ADAMTSL3: variants seen among roughly 807,000 people sequenced by gnomAD.
ADAMTSL3 encodes ADAMTS-like protein 3.
In ADAMTSL3, 128 loss-of-function variants were observed where a neutral mutation model predicts 201.7. The observed-to-expected ratio is 0.63, with a 90% CI of 0.55 to 0.73. ADAMTSL3 has a LOEUF of 0.73. Among genes scored for constraint, ADAMTSL3 ranks in the 30% least tolerant of loss-of-function variants. The pLI, the probability that ADAMTSL3 is intolerant of heterozygous loss-of-function variation, is 0.00. For missense variants in ADAMTSL3, 1,990 were observed against 2,119.6 expected, an observed-to-expected ratio of 0.94 and a Z score of 1.20; for synonymous variants, 738 against 748.4, an observed-to-expected ratio of 0.99 and a Z score of 0.23.
intron 15 of ADAMTSL3, among the ~76,000 whole-genome samples, chr15:83,900,240 T>C (rs2065697669): frequency 6.6e-6 from 1 of 152,228 alleles, no homozygotes; most frequent in Non-Finnish European, 1.5e-5. Flanking sequence ...CTGTGTCTTA[T>C]TCTCCTTACC....
In ADAMTSL3 at chr15:83,990,993, CA is replaced by C. The variant is rs554430577; in HGVS notation, c.3845-90del. ...AGAACCAGGACTCCACTCCTGCCCT[CA>C]AAGGGCTCAACAAAGCTTACCAAAT... On this transcript the variant is annotated intron_variant, in intron 22 of 29. Coordinates refer to ENST00000286744, the MANE Select transcript of ADAMTSL3 (RefSeq NM_207517.3). The C allele has an allele frequency of 5.4e-5, 84 of 1,565,066 alleles. 1 individual carries two copies. The South Asian group carries it at 1.0e-3, about 19-fold the overall frequency.
chr15:83,833,663 TG>T (rs2064203667), intron 6 of ADAMTSL3, among the ~76,000 whole-genome samples: 1 of 152,210 alleles, frequency 6.6e-6, no homozygotes. Context: ...AGCTGAAGTT[TG>T]TAACTGAAAA....
chr15:83,715,502 A>C (rs1440397483), intron 3 of ADAMTSL3, among the ~76,000 whole-genome samples: 1 of 152,050 alleles, frequency 6.6e-6, no homozygotes, highest in Non-Finnish European at 1.5e-5. Context: ...TCTCTTATTA[A>C]GTCCTTCTCC....
intron 25 of ADAMTSL3, among the ~76,000 whole-genome samples, chr15:84,020,936 G>T (rs2068192937): frequency 6.6e-6 from 1 of 152,200 alleles, no homozygotes; most frequent in African/African-American, 2.4e-5. Flanking sequence ...GAACTCAAAT[G>T]CATCTTTAAC....
chr15:83,683,797 G>A (rs1170018718), intron 2 of ADAMTSL3, among the ~76,000 whole-genome samples: 1 of 152,064 alleles, frequency 6.6e-6, no homozygotes, highest in Admixed American at 6.6e-5. Context: ...TTCCACACTT[G>A]TCTCATACTT....
At chr15:83,950,069 G>A (rs2066730524) in intron 19 of ADAMTSL3, among the ~76,000 whole-genome samples, 1 of 152,008 alleles carries the variant, frequency 6.6e-6, no homozygotes, top group Non-Finnish European at 1.5e-5. Flanking sequence ...TATTAATCAA[G>A]AAATATTTGC....
At chr15:83,727,317 G>C (rs1213368674) in intron 3 of ADAMTSL3, among the ~76,000 whole-genome samples, 1 of 150,750 alleles carries the variant, frequency 6.6e-6, no homozygotes, top group Non-Finnish European at 1.5e-5. Context: ...TGTTGATTTT[G>C]TTTATCTTTT....
intron 2 of ADAMTSL3, among the ~76,000 whole-genome samples, chr15:83,671,912 A>G (rs754011830): frequency 2.0e-5 from 3 of 152,304 alleles, no homozygotes; most frequent in Non-Finnish European, 1.5e-5. Context: ...CTGCTTTCCA[A>G]TTTGCTGATT....
intron 7 of ADAMTSL3, among the ~76,000 whole-genome samples, chr15:83,852,243 G>T (rs1035578910): frequency 6.6e-6 from 1 of 152,060 alleles, no homozygotes; most frequent in African/African-American, 2.4e-5. Context: ...CTCCTGAGTA[G>T]CTGGGATTGT....
Position 84,031,319 on chromosome 15 carries a change from T to G in ADAMTSL3, c.4657-16T>G. The G allele has an allele frequency of 1.9e-6, 3 of 1,612,898 alleles. No homozygotes were observed. The highest frequency in any genetic ancestry group is 2.5e-6 in the Non-Finnish European group (3 of 1,179,448). On this transcript the variant is annotated splice_polypyrimidine_tract_variant and intron_variant, in intron 27 of 29. Transcript: ENST00000286744. ...AGCTTGCAGGATTTACACTGCACTG[T>G]GCTTTTTTGTTCCAGTGTCCTGGAC... is the stretch of plus-strand genomic sequence containing the variant.
In ADAMTSL3 at chr15:83,739,588, CAAAATCCAAAAA is replaced by C. The variant is rs149795215; in HGVS notation, c.190-33928_190-33917del. Among the ~76,000 whole-genome samples, 193 of 151,160 alleles carry C rather than the reference CAAAATCCAAAAA, an allele frequency of 1.3e-3. 2 individuals are homozygous for C. The East Asian group carries it at 0.035, about 28-fold the overall frequency. On this transcript the variant is annotated intron_variant, in intron 3 of 29. Transcript: ENST00000286744. ...TCTTTTTACGTATATGAAACTATTT[CAAAATCCAAAAA>C]AAAATCTGAAATCCAAAATAGTTCT...
Position 83,897,876 on chromosome 15 carries a change from C to G in ADAMTSL3, c.1486C>G (p.Arg496Gly). Residue 496 changes from arginine to glycine, a missense_variant, in exon 14 of 30, where the codon CGA (arginine) becomes GGA (glycine). Transcript: ENST00000286744. ...EWSQCTVTCG[R>G]GLRYRVVLCI... is the part of the protein sequence containing the mutation. ...TTTGAAGTGCACAGTGACTTGTGGCCGAGGGTTACGGTACCGGGTTGTTCT... is the reference window on the plus strand; with the variant it reads ...TTTGAAGTGCACAGTGACTTGTGGCGGAGGGTTACGGTACCGGGTTGTTCT... 3.7e-6 allele frequency: 6 copies of G among 1,605,092 alleles called. No individual in the cohort carries two copies. Among genetic ancestry groups the G allele is most frequent in the South Asian group, 1.1e-5 (1 of 89,846 alleles).
chr15:84,017,326 C>T (rs28689919), intron 25 of ADAMTSL3, among the ~76,000 whole-genome samples: 3,648 of 152,178 alleles, frequency 0.024, 135 homozygotes, highest in African/African-American at 0.079. Flanking sequence ...ACCGTGTTAG[C>T]CAGGATGATC....
chr15:83,922,283 A>C (rs979997165), intron 16 of ADAMTSL3, among the ~76,000 whole-genome samples: 2 of 152,232 alleles, frequency 1.3e-5, no homozygotes, highest in African/African-American at 4.8e-5. Context: ...TATTAAACTT[A>C]TAAATTATTT....
chr15:84,028,291 C>CA, intron 27 of ADAMTSL3, among the ~76,000 whole-genome samples: 1 of 152,094 alleles, frequency 6.6e-6, no homozygotes, highest in Middle Eastern at 3.2e-3. Context: ...TAAGACAAAT[C>CA]GGCTAGCTAA....
chr15:83,835,185 G>A (rs1318036402), intron 6 of ADAMTSL3, among the ~76,000 whole-genome samples: 1 of 142,450 alleles, frequency 7.0e-6, no homozygotes, highest in Non-Finnish European at 1.5e-5. Context: ...AGTGAGCTGA[G>A]ATTGCACCAC....
chr15:83,789,050 A>G (rs1247537426), intron 4 of ADAMTSL3, among the ~76,000 whole-genome samples: 1 of 152,124 alleles, frequency 6.6e-6, no homozygotes, highest in Non-Finnish European at 1.5e-5. Flanking sequence ...ACCTCAGGTG[A>G]TCTGCCAGCC....
chr15:83,792,750 AC>A (rs1439649207), intron 4 of ADAMTSL3, among the ~76,000 whole-genome samples: 1 of 151,434 alleles, frequency 6.6e-6, no homozygotes, highest in African/African-American at 2.4e-5. Flanking sequence ...GCCACTGCAC[AC>A]CATGCACACC....
At chr15:83,938,176 T>G (rs576268504) in intron 17 of ADAMTSL3, among the ~76,000 whole-genome samples, 3 of 148,054 alleles carry the variant, frequency 2.0e-5, no homozygotes, top group East Asian at 1.9e-4. Flanking sequence ...TTAAAGTGCT[T>G]TAGGCCCTTA....
Sources: allele counts gnomAD v4.1 joint callset (sites outside exome capture counted in the v4.1 genomes callset), GRCh38; gene constraint gnomAD v4.1.1; transcripts MANE v1.5; gene names NCBI Gene and HGNC (gene_info 2026-07-23, HGNC 2026-07-21).